SP140L: variants seen among roughly 807,000 people sequenced by gnomAD.
The protein encoded by SP140L is nuclear body protein SP140-like protein.
SP140L carries 64 observed loss-of-function variants against 84.3 expected under a neutral mutation model. The observed-to-expected ratio is 0.76, with a 90% CI of 0.62 to 0.94. SP140L has a LOEUF of 0.94. SP140L is among the 40% of genes least tolerant of loss of function. The pLI, the probability that SP140L is intolerant of heterozygous loss-of-function variation, is 0.00. For synonymous variants in SP140L, 242 were observed against 236.9 expected, an observed-to-expected ratio of 1.02 and a Z score of -0.20; for missense variants, 628 against 692.5, an observed-to-expected ratio of 0.91 and a Z score of 1.05.
chr2:230,396,656 G>A (rs2062062439), intron 13 of SP140L, 101 bp from the exon 14 acceptor site: 19 of 1,385,850 alleles, frequency 1.4e-5, no homozygotes, highest in East Asian at 2.4e-5. Flanking sequence ...TTTACAACTG[G>A]TTCCTGAATC....
chr2:230,399,486 C>A (rs763867400), intron 14 of SP140L, among the ~76,000 whole-genome samples: 1 of 152,168 alleles, frequency 6.6e-6, no homozygotes, highest in Non-Finnish European at 1.5e-5. Flanking sequence ...ACCTTACAAT[C>A]CAAATTAGCT....
rs768333551 is a variant in SP140L at position 230,357,890 on chromosome 2, T to C, written c.193T>C (p.Ser65Pro). Residue 65 changes from serine (S) to proline (P), a missense_variant, in exon 3 of 19, where the codon TCA (serine) becomes CCA (proline). This residue lies in a region of SP140L where 525 missense variants were observed against 518.4 expected (regional missense o/e 1.01). Coordinates refer to ENST00000415673, the MANE Select transcript of SP140L (RefSeq NM_138402.6). ...CTTCAAAAGACATAAGCTGGAGATA[T>C]CAAATGCAATAAAAAAGACATTTCC... is the stretch of plus-strand genomic sequence containing the variant. ...KHFKRHKLEI[S>P]NAIKKTFPFL... 38 of 1,613,978 alleles carry C rather than the reference T, an allele frequency of 2.4e-5. No individual in the cohort carries two copies. Among genetic ancestry groups the C allele is most frequent in the Non-Finnish European group, 2.9e-5 (34 of 1,179,944 alleles).
At chr2:230,365,967 T>C (rs1026924754) in intron 5 of SP140L, among the ~76,000 whole-genome samples, 19 of 152,196 alleles carry the variant, frequency 1.2e-4, no homozygotes, top group African/African-American at 4.6e-4. Context: ...TCTACTTTTA[T>C]ATCATTGTGG....
intron 3 of SP140L, among the ~76,000 whole-genome samples, chr2:230,358,579 C>A (rs982395891): frequency 2.6e-5 from 4 of 152,200 alleles, no homozygotes; most frequent in African/African-American, 9.6e-5. Context: ...TTGAGCCCTT[C>A]AGGCCAAATC....
chr2:230,364,253 T>C (rs2149747029), intron 5 of SP140L, among the ~76,000 whole-genome samples: 1 of 152,234 alleles, frequency 6.6e-6, no homozygotes, highest in African/African-American at 2.4e-5. Context: ...CTGTGGATAG[T>C]ATGAACATGT....
chr2:230,369,782 T>C (rs547645145), intron 5 of SP140L, among the ~76,000 whole-genome samples: 1 of 152,320 alleles, frequency 6.6e-6, no homozygotes, highest in South Asian at 2.1e-4. Flanking sequence ...GTTTTCTTGT[T>C]TTTGAGACTG....
chr2:230,375,377 A>G (rs1267050381), intron 7 of SP140L, among the ~76,000 whole-genome samples: 1 of 152,174 alleles, frequency 6.6e-6, no homozygotes, highest in Non-Finnish European at 1.5e-5. Flanking sequence ...GGGTGCAGAT[A>G]TCTCTTTGGT....
intron 2 of SP140L, among the ~76,000 whole-genome samples, chr2:230,343,674 G>A (rs2060128963): frequency 6.6e-6 from 1 of 152,132 alleles, no homozygotes; most frequent in African/African-American, 2.4e-5. Context: ...CTTCCACAAT[G>A]GTTGAACTTA....
At chr2:230,383,384 A>G (rs2061469696) in intron 7 of SP140L, 126 bp from the exon 8 acceptor site, 1 of 906,292 alleles carries the variant, frequency 1.1e-6, no homozygotes, top group Non-Finnish European at 1.6e-6. Flanking sequence ...TACACTGATC[A>G]TAAAGAATTT....
At chr2:230,341,526 T>C (rs777842869) in intron 2 of SP140L, among the ~76,000 whole-genome samples, 21,451 of 150,108 alleles carry the variant, frequency 0.14, 1,683 homozygotes, top group African/African-American at 0.21. Context: ...TTTGTTCTGT[T>C]GCTGGTGAGG....
chr2:230,333,422 T>C (rs2059780953), intron 2 of SP140L, among the ~76,000 whole-genome samples: 1 of 152,134 alleles, frequency 6.6e-6, no homozygotes, highest in African/African-American at 2.4e-5. Flanking sequence ...CCTCCCAAAG[T>C]GCTGGGATTA....
At chr2:230,384,588 A>G (rs1353030793) in intron 8 of SP140L, among the ~76,000 whole-genome samples, 1 of 152,220 alleles carries the variant, frequency 6.6e-6, no homozygotes. Context: ...GTGTTTGGAA[A>G]GAAAAACAAG....
At chr2:230,346,971 T>C (rs1300777424) in intron 2 of SP140L, among the ~76,000 whole-genome samples, 3 of 152,186 alleles carry the variant, frequency 2.0e-5, no homozygotes, top group Non-Finnish European at 4.4e-5. Context: ...CTCACATTAG[T>C]GTCTGTACAT....
At position 230,351,384 on chromosome 2, in the gene SP140L, C is replaced by T. The variant is rs2060359233; in HGVS notation, c.108-6421C>T. Reference sequence around the variant, plus strand: ...TATGTGTATTGGACATTTTAATTTTCTTTTATTTAAGCTGCCTGTTCAGGT... The same window carrying T: ...TATGTGTATTGGACATTTTAATTTTTTTTTATTTAAGCTGCCTGTTCAGGT... On this transcript the variant is annotated intron_variant, in intron 2 of 18. Coordinates refer to ENST00000415673, the MANE Select transcript of SP140L (RefSeq NM_138402.6). Among the ~76,000 whole-genome samples, 4 of 152,014 alleles carry T rather than the reference C, an allele frequency of 2.6e-5. No individual in the cohort carries two copies. The South Asian group carries it at 8.3e-4, about 31-fold the overall frequency.
rs557026135 is a variant in SP140L at position 230,356,910 on chromosome 2, A to G, written c.108-895A>G. The stretch of plus-strand genomic sequence containing the variant: ...GAACTTTAACCAGAAACTTTTTTTT[A>G]CAGGAATTCAAAACAATAATGCGAC... On this transcript the variant is annotated intron_variant, in intron 2 of 18. Coordinates refer to ENST00000415673, the MANE Select transcript of SP140L (RefSeq NM_138402.6). Among the ~76,000 whole-genome samples the G allele has an allele frequency of 1.6e-4, 22 of 138,488 alleles. No individual in the cohort carries two copies. The South Asian group carries it at 5.1e-3, about 32-fold the overall frequency. The allele number at this position is 138,488 out of a possible 152,430, so 90.9% of individuals were successfully genotyped here. A position where few individuals can be genotyped will look rare whatever the true frequency, so the allele number is the denominator to read the frequency against.
chr2:230,337,439 T>C (rs1482817991), intron 2 of SP140L, among the ~76,000 whole-genome samples: 1 of 152,032 alleles, frequency 6.6e-6, no homozygotes, highest in African/African-American at 2.4e-5. Flanking sequence ...TCCCATTTTG[T>C]AGGTTGCCTG....
At chr2:230,393,315 G>A (rs911390627) in intron 12 of SP140L, 99 bp from the exon 13 acceptor site, 4 of 1,353,170 alleles carry the variant, frequency 3.0e-6, no homozygotes, top group Non-Finnish European at 3.0e-6. Context: ...GCTGGCATTG[G>A]AACACTCAGG....
intron 3 of SP140L, among the ~76,000 whole-genome samples, 176 bp downstream of exon 3, chr2:230,358,143 A>G (rs1403241283): frequency 6.6e-6 from 1 of 152,226 alleles, no homozygotes; most frequent in Admixed American, 6.5e-5. Flanking sequence ...GGTGAATGGT[A>G]CTGGAGAAAC....
intron 7 of SP140L, among the ~76,000 whole-genome samples, chr2:230,381,755 C>T (rs1261114844): frequency 3.5e-5 from 4 of 115,188 alleles, no homozygotes; most frequent in Non-Finnish European, 7.8e-5. Flanking sequence ...CACACACACA[C>T]ACACATTTCA....
Sources: allele counts gnomAD v4.1 joint callset (sites outside exome capture counted in the v4.1 genomes callset), GRCh38; gene constraint gnomAD v4.1.1; regional missense constraint gnomAD v4.1.1; transcripts MANE v1.5; gene names NCBI Gene and HGNC (gene_info 2026-07-23, HGNC 2026-07-21).